Variants in SHANK2 observed in about 807,000 individuals in gnomAD.
SHANK2 encodes SH3 and multiple ankyrin repeat domains protein 2.
Under a neutral mutation model 133.7 loss-of-function variants are expected in SHANK2, and 43 were observed. The observed-to-expected ratio is 0.32, with a 90% CI of 0.25 to 0.41. SHANK2 has a LOEUF of 0.41. Ranked by LOEUF, SHANK2 falls within the 10% of genes least tolerant of loss-of-function variation. SHANK2 has a pLI of 1.00. For missense variants in SHANK2, 1,994 were observed against 2,235.8 expected, an observed-to-expected ratio of 0.89 and a Z score of 2.18; for synonymous variants, 1,017 against 952.8, an observed-to-expected ratio of 1.07 and a Z score of -1.24.
intron 3 of SHANK2, among the ~76,000 whole-genome samples, chr11:71,143,349 T>C (rs555357897): frequency 1.2e-4 from 18 of 152,202 alleles, no homozygotes; most frequent in Non-Finnish European, 2.1e-4. Context: ...ATGAATTTTG[T>C]ATTGGGGTAT....
intron 6 of SHANK2, among the ~76,000 whole-genome samples, chr11:71,095,073 G>C (rs1296264782): frequency 6.6e-6 from 1 of 152,218 alleles, no homozygotes; most frequent in Non-Finnish European, 1.5e-5. Context: ...AGATGGGAAA[G>C]GCAGACACCC....
intron 2 of SHANK2, among the ~76,000 whole-genome samples, chr11:71,190,719 T>A (rs1193860715): frequency 1.3e-5 from 2 of 152,022 alleles, no homozygotes; most frequent in Non-Finnish European, 2.9e-5. Context: ...CACGCAGGCG[T>A]TGAGAGGAGG....
chr11:70,717,336 C>A (rs1555027579), intron 14 of SHANK2, among the ~76,000 whole-genome samples: 1 of 152,214 alleles, frequency 6.6e-6, no homozygotes. Context: ...GTCTTAAAAA[C>A]CCACTAGCCG....
At chr11:70,543,097 T>C (rs2059643487) in intron 17 of SHANK2, among the ~76,000 whole-genome samples, 2 of 152,124 alleles carry the variant, frequency 1.3e-5, no homozygotes, top group African/African-American at 4.8e-5. Flanking sequence ...GGTAACTGCA[T>C]GTGCTTTTCA....
At chr11:70,498,804 C>T (rs2059008801) in intron 21 of SHANK2, among the ~76,000 whole-genome samples, 1 of 152,126 alleles carries the variant, frequency 6.6e-6, no homozygotes, top group Non-Finnish European at 1.5e-5. Flanking sequence ...GGTCAGGCTC[C>T]TTCAGGGGTC....
chr11:70,615,322 C>T (rs1390117371), intron 17 of SHANK2, among the ~76,000 whole-genome samples: 1 of 152,096 alleles, frequency 6.6e-6, no homozygotes, highest in African/African-American at 2.4e-5. Flanking sequence ...TGGACGAGCC[C>T]AGTTCTCCCC....
chr11:70,806,067 A>G (rs976029868), intron 13 of SHANK2, among the ~76,000 whole-genome samples: 1 of 152,210 alleles, frequency 6.6e-6, no homozygotes, highest in South Asian at 2.1e-4. Context: ...AAAGGAACTG[A>G]GTCAATTACC....
At chr11:70,648,880 C>G (rs1410599550) in intron 17 of SHANK2, among the ~76,000 whole-genome samples, 4 of 152,144 alleles carry the variant, frequency 2.6e-5, no homozygotes, top group Non-Finnish European at 5.9e-5. Context: ...GTGCTCGGCT[C>G]TGGGTGGTCC....
intron 11 of SHANK2, among the ~76,000 whole-genome samples, chr11:70,870,888 C>T (rs1313910876): frequency 6.6e-6 from 1 of 152,202 alleles, no homozygotes; most frequent in Non-Finnish European, 1.5e-5. Context: ...AGTGATTCTC[C>T]TGCCTCAGCC....
intron 17 of SHANK2, among the ~76,000 whole-genome samples, chr11:70,529,989 A>G (rs1429000624): frequency 1.3e-5 from 2 of 152,188 alleles, no homozygotes; most frequent in African/African-American, 4.8e-5. Flanking sequence ...TGCGGCTGCT[A>G]TGAAGACAGT....
chr11:70,721,230 G>A (rs1222295836), intron 14 of SHANK2, among the ~76,000 whole-genome samples: 8 of 152,218 alleles, frequency 5.3e-5, no homozygotes, highest in Non-Finnish European at 7.3e-5. Context: ...CATTTCAGGC[G>A]CATCACACCT....
At chr11:70,578,678 C>T (rs2060147271) in intron 17 of SHANK2, among the ~76,000 whole-genome samples, 1 of 152,176 alleles carries the variant, frequency 6.6e-6, no homozygotes, top group Admixed American at 6.5e-5. Flanking sequence ...GGTGCGTGAC[C>T]TCATGCTTGG....
rs1266711008 is a variant in SHANK2, at chr11:70,673,651, C to T, written c.1854-11973G>A. Among the ~76,000 whole-genome samples, 32 of 152,258 alleles carry T rather than the reference C, an allele frequency of 2.1e-4. 1 individual carries two copies. The highest frequency in any genetic ancestry group is 2.0e-3 in the Admixed American group (30 of 15,288). Reference sequence around the variant, plus strand: ...GATTCTAGGGCTGGGGGCCCACCTGCAGCCCGTGGTCCCCCCACCAGGATC... The same window carrying T: ...GATTCTAGGGCTGGGGGCCCACCTGTAGCCCGTGGTCCCCCCACCAGGATC... On this transcript the variant is annotated intron_variant, in intron 15 of 25. Transcript: ENST00000601538.
At position 71,175,426 on chromosome 11, in the gene SHANK2, G is replaced by A. The variant is rs1267360114; in HGVS notation, c.-12-28088C>T. On this transcript the variant is annotated intron_variant, in intron 2 of 25. Coordinates refer to ENST00000601538, the MANE Select transcript of SHANK2 (RefSeq NM_012309.5). This position sits in a 1 kb window ranked among gnomAD's most constrained non-coding sequence, Gnocchi z 4.2. ...GAAAGTGAGTCTGTAAAGAGAGCAGGAGGAAGGAAAGAAAAAGAGGGAGAG... is the reference window on the plus strand; with the variant it reads ...GAAAGTGAGTCTGTAAAGAGAGCAGAAGGAAGGAAAGAAAAAGAGGGAGAG... 6.6e-6 allele frequency among the ~76,000 whole-genome samples: 1 copy of A among 152,078 alleles called. No homozygotes were observed. Among genetic ancestry groups the A allele is most frequent in the Non-Finnish European group, 1.5e-5 (1 of 68,026 alleles).
At chr11:71,107,617 CACA>C (rs1484109943) in intron 6 of SHANK2, among the ~76,000 whole-genome samples, 1 of 152,182 alleles carries the variant, frequency 6.6e-6, no homozygotes, top group African/African-American at 2.4e-5. Flanking sequence ...CACAACGGCT[CACA>C]ACAACTATGA....
chr11:71,167,341 T>C (rs1196487827), intron 2 of SHANK2, among the ~76,000 whole-genome samples: 1 of 151,790 alleles, frequency 6.6e-6, no homozygotes, highest in Non-Finnish European at 1.5e-5. Flanking sequence ...GCAGAGGGGC[T>C]CACTTCCCAG....
At chr11:70,497,301 C>T (rs1268575980) in intron 21 of SHANK2, among the ~76,000 whole-genome samples, 3 of 152,164 alleles carry the variant, frequency 2.0e-5, no homozygotes, top group African/African-American at 4.8e-5. Context: ...TCCTGCTTCT[C>T]ATTCTAGGCT....
chr11:70,605,242 C>G (rs1475494718), intron 17 of SHANK2, among the ~76,000 whole-genome samples: 1 of 152,238 alleles, frequency 6.6e-6, no homozygotes, highest in East Asian at 1.9e-4. Flanking sequence ...CCTGCTAGGC[C>G]TGGCCACTCC....
intron 14 of SHANK2, among the ~76,000 whole-genome samples, chr11:70,715,260 C>T (rs945644286): frequency 1.6e-4 from 24 of 152,216 alleles, no homozygotes; most frequent in South Asian, 1.0e-3. Context: ...GAGAATGGGA[C>T]GGGCTGTGCC....
Sources: allele counts gnomAD v4.1 joint callset (sites outside exome capture counted in the v4.1 genomes callset), GRCh38; gene constraint gnomAD v4.1.1; non-coding constraint Gnocchi (gnomAD v3.1); transcripts MANE v1.5; gene names NCBI Gene and HGNC (gene_info 2026-07-23, HGNC 2026-07-21).